Variants in DNER observed in about 807,000 individuals in gnomAD.
DNER encodes the protein delta/notch like EGF repeat containing.
In DNER, 33 loss-of-function variants were observed where a neutral mutation model predicts 78.2. The observed-to-expected ratio is 0.42, with a 90% CI of 0.32 to 0.56. The LOEUF (loss-of-function observed/expected upper bound fraction) is 0.56, where lower values mean the gene tolerates loss of function less well. Ranked by LOEUF, DNER falls within the 20% of genes least tolerant of loss-of-function variation. The probability of loss-of-function intolerance (pLI) is 0.11; values close to 1 mark genes in which losing one functional copy is unlikely to be tolerated. For synonymous variants in DNER, 417 were observed against 384.8 expected, an observed-to-expected ratio of 1.08 and a Z score of -0.98; for missense variants, 918 against 975.3, an observed-to-expected ratio of 0.94 and a Z score of 0.78.
intron 1 of DNER, among the ~76,000 whole-genome samples, chr2:229,638,517 C>T (rs1448343993): frequency 1.3e-5 from 2 of 152,148 alleles, no homozygotes; most frequent in Non-Finnish European, 2.9e-5. Context: ...AAAACATTCG[C>T]TTGGTGCACA....
intron 12 of DNER, among the ~76,000 whole-genome samples, chr2:229,364,105 C>T (rs564078127): frequency 8.7e-5 from 13 of 149,018 alleles, no homozygotes; most frequent in Non-Finnish European, 1.0e-4. Context: ...CCTCATTATC[C>T]GCCCTCCTCA....
intron 5 of DNER, among the ~76,000 whole-genome samples, chr2:229,521,765 C>G (rs1219346448): frequency 6.6e-6 from 1 of 152,096 alleles, no homozygotes; most frequent in East Asian, 1.9e-4. Context: ...CTGAACCAGA[C>G]CACACAAGAA....
At chr2:229,360,244 A>C (rs915955907) in intron 12 of DNER, among the ~76,000 whole-genome samples, 3 of 152,186 alleles carry the variant, frequency 2.0e-5, no homozygotes, top group African/African-American at 7.2e-5. Flanking sequence ...ACTAATAATA[A>C]TTTAACCAAA....
At chr2:229,512,978 C>T in intron 5 of DNER, 42 bp from the exon 6 acceptor site, 2 of 1,589,936 alleles carry the variant, frequency 1.3e-6, no homozygotes, top group Non-Finnish European at 1.7e-6. Flanking sequence ...CCTGGCACCT[C>T]TCAACAGTGT....
chr2:229,365,726 A>G (rs952787583), intron 12 of DNER, among the ~76,000 whole-genome samples: 1 of 152,112 alleles, frequency 6.6e-6, no homozygotes, highest in African/African-American at 2.4e-5. Flanking sequence ...GTGAGGCAGC[A>G]CACCCAGCCA....
chr2:229,410,110 C>T (rs1018180500), intron 9 of DNER, among the ~76,000 whole-genome samples: 1 of 152,104 alleles, frequency 6.6e-6, no homozygotes, highest in Non-Finnish European at 1.5e-5. Flanking sequence ...TCTTTCACAC[C>T]CTTCCCCCAA....
At chr2:229,371,267 C>A (rs1368269649) in intron 11 of DNER, among the ~76,000 whole-genome samples, 2 of 152,202 alleles carry the variant, frequency 1.3e-5, no homozygotes, top group Admixed American at 6.5e-5. Context: ...GTGCCTGCAA[C>A]CACCATCTCT....
chr2:229,482,733 C>A (rs1285406182), intron 6 of DNER, among the ~76,000 whole-genome samples: 1 of 152,070 alleles, frequency 6.6e-6, no homozygotes, highest in Non-Finnish European at 1.5e-5. Context: ...AGAAAGTTAG[C>A]AATAAACTTT....
chr2:229,416,162 C>T (rs1693646785), intron 9 of DNER, among the ~76,000 whole-genome samples: 1 of 152,204 alleles, frequency 6.6e-6, no homozygotes, highest in Non-Finnish European at 1.5e-5. Context: ...CTCCATGTTT[C>T]CTGTCTTTTC....
intron 4 of DNER, among the ~76,000 whole-genome samples, chr2:229,576,339 T>C (rs1697301586): frequency 6.6e-6 from 1 of 151,412 alleles, no homozygotes; most frequent in Admixed American, 6.6e-5. Context: ...TTTTTTTTTT[T>C]TTTTTTTTGG....
intron 5 of DNER, among the ~76,000 whole-genome samples, chr2:229,514,687 ACCCTCTTT>A (rs1347063396): frequency 6.6e-6 from 1 of 151,986 alleles, no homozygotes; most frequent in Non-Finnish European, 1.5e-5. Flanking sequence ...CTCTCCCTCC[ACCCTCTTT>A]CCCCAACAGA....
intron 10 of DNER, among the ~76,000 whole-genome samples, chr2:229,405,220 GA>G (rs1484847925): frequency 2.0e-5 from 3 of 152,124 alleles, no homozygotes; most frequent in African/African-American, 7.2e-5. Context: ...ACACTAAAAT[GA>G]TATTTTTGAC....
intron 11 of DNER, among the ~76,000 whole-genome samples, chr2:229,385,455 T>C (rs1207880789): frequency 1.3e-5 from 2 of 152,096 alleles, no homozygotes; most frequent in South Asian, 2.1e-4. Flanking sequence ...CAACATAGCA[T>C]TGGAAGTTCT....
At chr2:229,659,315 T>C (rs971797364) in intron 1 of DNER, among the ~76,000 whole-genome samples, 2 of 152,096 alleles carry the variant, frequency 1.3e-5, no homozygotes, top group African/African-American at 4.8e-5. Flanking sequence ...CATCTACAAA[T>C]TACTAAAAGA....
intron 1 of DNER, among the ~76,000 whole-genome samples, chr2:229,640,991 A>G (rs1049470089): frequency 6.6e-6 from 1 of 152,182 alleles, no homozygotes. Flanking sequence ...CAGGAAGAGA[A>G]GGTGGAAAAG....
intron 11 of DNER, among the ~76,000 whole-genome samples, chr2:229,371,721 A>G (rs768447287): frequency 3.9e-5 from 6 of 152,362 alleles, no homozygotes; most frequent in East Asian, 1.9e-4. Context: ...TACATATTGC[A>G]TCTAAAATAC....
At chr2:229,588,271 C>T (rs1697536417) in intron 3 of DNER, 123 bp downstream of exon 3, 23 of 807,832 alleles carry the variant, frequency 2.8e-5, no homozygotes, top group South Asian at 2.7e-4. Context: ...CACATCTACC[C>T]GTGGAATCTG....
chr2:229,566,080 T>C (rs1023615144), intron 4 of DNER, among the ~76,000 whole-genome samples: 6 of 152,188 alleles, frequency 3.9e-5, no homozygotes, highest in Admixed American at 2.0e-4. Flanking sequence ...TGTGTTGATG[T>C]GAGGGGCAAT....
intron 9 of DNER, among the ~76,000 whole-genome samples, chr2:229,411,572 T>C (rs1693522013): frequency 1.3e-5 from 2 of 151,668 alleles, no homozygotes; most frequent in African/African-American, 4.8e-5. Context: ...AAAAAGTAGG[T>C]ACAATGTACA....
Sources: allele counts gnomAD v4.1 joint callset (sites outside exome capture counted in the v4.1 genomes callset), GRCh38; gene constraint gnomAD v4.1.1; transcripts MANE v1.5; gene names NCBI Gene and HGNC (gene_info 2026-07-23, HGNC 2026-07-21).